Variants in ATP13A2 observed in about 807,000 individuals in gnomAD.
ATP13A2 encodes polyamine-transporting ATPase 13A2.
Under a neutral mutation model 138.3 loss-of-function variants are expected in ATP13A2, and 83 were observed. The observed-to-expected ratio is 0.60, with a 90% CI of 0.50 to 0.72. ATP13A2 has a LOEUF of 0.72. Ranked by LOEUF, ATP13A2 falls within the 30% of genes least tolerant of loss-of-function variation. The pLI is 0.00. For missense variants in ATP13A2, 1,402 were observed against 1,606.4 expected, an observed-to-expected ratio of 0.87 and a Z score of 2.17; for synonymous variants, 663 against 699.0, an observed-to-expected ratio of 0.95 and a Z score of 0.81.
Position 17,011,691 on chromosome 1 carries a change from C to T in ATP13A2, c.10+38G>A, listed in dbSNP as rs1419466106. The T allele has an allele frequency of 6.7e-7, 1 of 1,482,406 alleles. No homozygotes were observed. The highest frequency in any genetic ancestry group is 8.9e-7 in the Non-Finnish European group (1 of 1,122,716). 91.8% of individuals were successfully genotyped at this position (1,482,406 alleles called of 1,614,324 possible). ...TGACGACAACTGGCGGGCCGGGGAC[C>T]GCGCCGGGCTCGGGGCCGACCCGGA... On this transcript the variant is annotated intron_variant, in intron 1 of 28. Transcript: ENST00000326735. This position sits in a 1 kb window ranked among gnomAD's most constrained non-coding sequence, Gnocchi z 7.3.
In ATP13A2 at chr1:16,991,714, G is replaced by T; in HGVS notation, c.2251+20C>A. On this transcript the variant is annotated intron_variant, in intron 20 of 28. Coordinates refer to ENST00000326735, the MANE Select transcript of ATP13A2 (RefSeq NM_022089.4). ...GGCGGATTCTGCCCTGCTAGCCCGG[G>T]CCCCTACATGCCATTGTACCTGTCA... 1 of 1,614,006 alleles carries T rather than the reference G, an allele frequency of 6.2e-7. No individual in the cohort carries two copies. The highest frequency in any genetic ancestry group is 8.5e-7 in the Non-Finnish European group (1 of 1,180,046).
chr1:17,001,234 A>G (rs2077342077), intron 8 of ATP13A2, among the ~76,000 whole-genome samples: 1 of 149,756 alleles, frequency 6.7e-6, no homozygotes, highest in African/African-American at 2.5e-5. Flanking sequence ...CCTAGCCAAC[A>G]TAGTGAATCC....
rs56299881 is a variant in ATP13A2, at chr1:16,986,972, T to A, written c.3084-16A>T. On this transcript the variant is annotated splice_polypyrimidine_tract_variant and intron_variant, in intron 26 of 28. Transcript: ENST00000326735. The surrounding 1 kb of genome is among the most constrained non-coding windows in gnomAD (Gnocchi z 6.9). The stretch of plus-strand genomic sequence containing the variant: ...AGGCACGAACCTGGGGGTACAGGGA[T>A]GGGGGTCAGGGAACGAACGTGGGGT... The A allele has an allele frequency of 1.3e-5, 20 of 1,530,750 alleles. No individual in the cohort carries two copies. In the Admixed American group the frequency reaches 2.6e-4, roughly 20 times the overall value. 94.8% of individuals were successfully genotyped at this position (1,530,750 alleles called of 1,614,324 possible).
In ATP13A2 at chr1:16,992,097, A is replaced by G. The variant is rs1282789006; in HGVS notation, c.2038T>C (p.Tyr680His). 6.2e-7 allele frequency: 1 copy of G among 1,613,468 alleles called. No homozygotes were observed. The highest frequency in any genetic ancestry group is 8.5e-7 in the Non-Finnish European group (1 of 1,179,728). Residue 680 changes from tyrosine to histidine, a missense_variant, in exon 19 of 29, where the codon TAT becomes CAT. By Grantham distance (83) the Tyr-to-His change is moderately conservative. Coordinates refer to ENST00000326735, the MANE Select transcript of ATP13A2 (RefSeq NM_022089.4). ...ACGACACGGTAGCCAGCAGCTGTAT[A>G]GCTCTGCAGCATCTGGGCGAAGTCG... The part of the protein sequence containing the change: ...PTDFAQMLQS[Y>H]TAAGYRVVAL...
Position 16,989,795 on chromosome 1 carries a change from G to A in ATP13A2, c.2530-25C>T, listed in dbSNP as rs752367474. Reference sequence around the variant, plus strand: ...CCTGGGAGCACAGGGAGATGGGGGAGGGCTGAGGCACCCACCAGGGAGAGC... The same window carrying A: ...CCTGGGAGCACAGGGAGATGGGGGAAGGCTGAGGCACCCACCAGGGAGAGC... On this transcript the variant is annotated intron_variant, in intron 22 of 28. Transcript: ENST00000326735. 3.7e-6 allele frequency: 6 copies of A among 1,613,256 alleles called. No homozygotes were observed. The African/African-American group carries it at 5.3e-5, about 14-fold the overall frequency.
chr1:17,001,991 G>A, intron 8 of ATP13A2, 43 bp downstream of exon 8: 1 of 1,582,932 alleles, frequency 6.3e-7, no homozygotes, highest in Non-Finnish European at 8.6e-7. Flanking sequence ...AGGTCACACA[G>A]CACGCCAGGC....
chr1:16,988,085 T>A (rs1490796133), intron 25 of ATP13A2, 53 bp downstream of exon 25: 11 of 1,520,458 alleles, frequency 7.2e-6, no homozygotes, highest in African/African-American at 2.7e-5. Context: ...CAGGGCTGTG[T>A]CCCCTCCCTA....
intron 8 of ATP13A2, among the ~76,000 whole-genome samples, chr1:17,001,419 ACT>A (rs1297206574): frequency 1.3e-5 from 2 of 151,074 alleles, no homozygotes; most frequent in East Asian, 1.9e-4. Context: ...CAAGAGCAAA[ACT>A]CTGTCTCAAA....
Position 16,997,190 on chromosome 1 carries a change from G to C in ATP13A2, c.1040-15C>G. Reference sequence around the variant, plus strand: ...AATGCTCTCTCCTGGTGGGGAACGTGGTGTGAGGACCACTCCACACCCCTC... The same window carrying C: ...AATGCTCTCTCCTGGTGGGGAACGTCGTGTGAGGACCACTCCACACCCCTC... On this transcript the variant is annotated splice_polypyrimidine_tract_variant and intron_variant, in intron 11 of 28. Coordinates refer to ENST00000326735, the MANE Select transcript of ATP13A2 (RefSeq NM_022089.4). 1 of 1,613,194 alleles carries C rather than the reference G, an allele frequency of 6.2e-7. No homozygotes were observed. The highest frequency in any genetic ancestry group is 1.3e-5 in the African/African-American group (1 of 75,046).
At position 17,005,095 on chromosome 1, in the gene ATP13A2, C is replaced by T. The variant is rs111696849; in HGVS notation, c.289-23G>A. 1.7e-4 allele frequency: 281 copies of T among 1,613,982 alleles called. 1 individual carries two copies. In the African/African-American group the frequency reaches 3.4e-3, roughly 19 times the overall value. On this transcript the variant is annotated intron_variant, in intron 3 of 28. Transcript: ENST00000326735. ...ATCCTGGAACACAGAGGTATGGACT[C>T]AGTCTCAGAAGAGTCCCCTCCCCTC...
At chr1:16,988,649 T>G (rs1372622734) in intron 23 of ATP13A2, among the ~76,000 whole-genome samples, 175 bp from the exon 24 acceptor site, 2 of 152,150 alleles carry the variant, frequency 1.3e-5, no homozygotes. Context: ...TATTATTTTT[T>G]GAGACGGAGT....
chr1:16,989,391 A>G (rs1408152547), intron 23 of ATP13A2, among the ~76,000 whole-genome samples: 1 of 152,044 alleles, frequency 6.6e-6, no homozygotes, highest in African/African-American at 2.4e-5. Context: ...TAAATTTTTA[A>G]TAAGAGATGG....
chr1:16,992,611 T>C (rs1225638851), intron 16 of ATP13A2, 30 bp from the exon 17 acceptor site: 1 of 1,610,736 alleles, frequency 6.2e-7, no homozygotes, highest in African/African-American at 1.3e-5. Flanking sequence ...GTTTGGTGTC[T>C]GGGGGCTTTG....
chr1:17,004,917 C>T lies in ATP13A2; in HGVS notation c.348-96G>A, dbSNP rs953094711. On this transcript the variant is annotated intron_variant, in intron 4 of 28. Coordinates refer to ENST00000326735, the MANE Select transcript of ATP13A2 (RefSeq NM_022089.4). The surrounding 1 kb of genome is among the most constrained non-coding windows in gnomAD (Gnocchi z 4.1). The stretch of plus-strand genomic sequence containing the variant: ...CATCTTCCCTCCCTAGGATGGGAGG[C>T]GCCAGAGTCAGCCTTTATGGGGGGG... The T allele has an allele frequency of 9.3e-6, 15 of 1,611,012 alleles. No individual in the cohort carries two copies. Among genetic ancestry groups the T allele is most frequent in the East Asian group, 8.9e-5 (4 of 44,858 alleles).
chr1:17,006,069 A>T (rs1308679773), intron 1 of ATP13A2, among the ~76,000 whole-genome samples: 1 of 152,070 alleles, frequency 6.6e-6, no homozygotes, highest in African/African-American at 2.4e-5. Context: ...TGGGAGGTAG[A>T]GGTTGCAGTG....
Position 16,996,005 on chromosome 1 carries a change from C to T in ATP13A2, c.1513G>A (p.Gly505Ser), listed in dbSNP as rs546568802. 6.2e-7 allele frequency: 1 copy of T among 1,613,952 alleles called. No individual in the cohort carries two copies. The highest frequency in any genetic ancestry group is 1.3e-5 in the African/African-American group (1 of 74,952). Residue 505 changes from glycine to serine, a missense_variant, in exon 15 of 29, where the codon GGC (glycine) becomes AGC (serine). Coordinates refer to ENST00000326735, the MANE Select transcript of ATP13A2 (RefSeq NM_022089.4). ...TCGAAACACACCAGCTGCAGCTTGC[C>T]CCCCAGGTTGATGCGCAGTGGGTGG... The part of the protein sequence containing the change: ...CIHPLRINLG[G>S]KLQLVCFDKT...
At position 16,995,909 on chromosome 1, in the gene ATP13A2, G is replaced by A. The variant is rs2077101884; in HGVS notation, c.1542+67C>T. 2 of 1,585,952 alleles carry A rather than the reference G, an allele frequency of 1.3e-6. No homozygotes were observed. The highest frequency in any genetic ancestry group is 1.1e-5 in the South Asian group (1 of 89,876). ...GTGCTGCTGAGAGAATAACGCGGGT[G>A]TGGAGGCCTCACTGGGGCGCCTGTG... On this transcript the variant is annotated intron_variant, in intron 15 of 28. Coordinates refer to ENST00000326735, the MANE Select transcript of ATP13A2 (RefSeq NM_022089.4). The surrounding 1 kb of genome is among the most constrained non-coding windows in gnomAD (Gnocchi z 4.1).
chr1:16,990,129 T>G lies in ATP13A2; in HGVS notation c.2410A>C (p.Lys804Gln). The change falls in exon 21 of 29, where the codon AAG becomes CAG. Residue 804 changes from lysine (K) to glutamine (Q), a missense_variant and splice_region_variant. By Grantham distance (53) the Lys-to-Gln change is moderately conservative. Transcript: ENST00000326735. ...CTGGAACTCTGGGTTAGCCTCACCT[T>G]AACGCCATTCACGGCTGTGGGGGAC... The part of the protein sequence containing the change: ...MESPTAVNGV[K>Q]DPDQAASYTV... 6.2e-7 allele frequency: 1 copy of G among 1,614,110 alleles called. No homozygotes were observed. The highest frequency in any genetic ancestry group is 8.5e-7 in the Non-Finnish European group (1 of 1,180,002).
At chr1:16,990,030 C>T in intron 21 of ATP13A2, 27 bp from the exon 22 acceptor site, 1 of 1,613,168 alleles carries the variant, frequency 6.2e-7, no homozygotes, top group South Asian at 1.1e-5. Context: ...CTCAGCTTAG[C>T]TCCCCCTGCC....
Sources: gnomAD v4.1 joint callset for allele counts (sites outside exome capture counted in the v4.1 genomes callset) on GRCh38, gnomAD v4.1.1 for gene constraint, Gnocchi (gnomAD v3.1) non-coding constraint, MANE v1.5 for transcripts, NCBI Gene and HGNC (gene_info 2026-07-23, HGNC 2026-07-21) for gene names.